YKT6: variants seen among roughly 807,000 people sequenced by gnomAD.
The protein encoded by YKT6 is YKT6 vesicular SNARE protein.
Under a neutral mutation model 29.3 loss-of-function variants are expected in YKT6, and 12 were observed. The ratio of observed to expected loss-of-function variants is 0.41; its 90% CI spans 0.26 to 0.66. The LOEUF is 0.66. Among genes scored for constraint, YKT6 ranks in the 30% least tolerant of loss-of-function variants. The pLI is 0.32. For missense variants in YKT6, 188 were observed against 243.8 expected (o/e 0.77, Z 1.52); for synonymous variants, 86 against 94.3 (o/e 0.91, Z 0.51).
intron 2 of YKT6, among the ~76,000 whole-genome samples, chr7:44,205,049 G>A (rs1408619484): frequency 2.0e-5 from 3 of 152,126 alleles, no homozygotes; most frequent in Non-Finnish European, 4.4e-5. Context: ...TTTTCTTTCT[G>A]ATAATTCAGG....
chr7:44,207,299 A>T (rs2096341815), intron 3 of YKT6, 89 bp from the exon 4 acceptor site: 1 of 1,081,432 alleles, frequency 9.2e-7, no homozygotes, highest in Non-Finnish European at 1.4e-6. Flanking sequence ...AGCCTCATTC[A>T]GGGTGAGGTG....
chr7:44,206,766 C>G (rs2096341319), intron 3 of YKT6, among the ~76,000 whole-genome samples: 1 of 152,130 alleles, frequency 6.6e-6, no homozygotes, highest in African/African-American at 2.4e-5. Context: ...GCCTTGTGTT[C>G]TCGCCCCCTG....
chr7:44,211,956 C>T (rs2096347269), intron 6 of YKT6, among the ~76,000 whole-genome samples: 1 of 152,174 alleles, frequency 6.6e-6, no homozygotes, highest in Non-Finnish European at 1.5e-5. Context: ...TTTGTTTGTA[C>T]CTGGCCTAAC....
intron 6 of YKT6, chr7:44,211,457 C>T (rs1583650845): frequency 1.2e-6 from 1 of 838,710 alleles, no homozygotes; most frequent in Non-Finnish European, 1.5e-6. Context: ...ACTGTTGAAT[C>T]TTATTCCTCT....
intron 3 of YKT6, 76 bp from the exon 4 acceptor site, chr7:44,207,312 C>G: frequency 7.6e-7 from 1 of 1,316,042 alleles, no homozygotes; most frequent in South Asian, 1.2e-5. Context: ...GTGAGGTGCT[C>G]AGGGGTGAAG....
intron 4 of YKT6, 92 bp from the exon 5 acceptor site, chr7:44,208,041 C>T (rs774188064): frequency 2.5e-5 from 35 of 1,376,020 alleles, no homozygotes; most frequent in Non-Finnish European, 3.6e-5. Flanking sequence ...TGGTTTTTAA[C>T]CTGTGAAAGT....
rs2096334848 is a variant in YKT6, at chr7:44,201,071, G to A, written c.-65G>A. ...GCGGCGGCGGTCCCGAGGGGCGGCG[G>A]CCGCGCTGCTCCCTGAGAACGGGTC... On this transcript the variant is annotated 5_prime_UTR_variant, in exon 1 of 7. Transcript: ENST00000223369. 15 of 1,415,560 alleles carry A rather than the reference G, an allele frequency of 1.1e-5. No individual in the cohort carries two copies. The highest frequency in any genetic ancestry group is 1.5e-5 in the African/African-American group (1 of 66,480). 87.7% of individuals were successfully genotyped at this position (1,415,560 alleles called of 1,614,324 possible). A position where few individuals can be genotyped will look rare whatever the true frequency, so the allele number is the denominator to read the frequency against.
At chr7:44,203,582 C>A (rs2096338047) in intron 1 of YKT6, among the ~76,000 whole-genome samples, 1 of 152,166 alleles carries the variant, frequency 6.6e-6, no homozygotes, top group African/African-American at 2.4e-5. Context: ...GCAAAGCCTT[C>A]CTTGTTTGAG....
chr7:44,203,158 G>A (rs897064426), intron 1 of YKT6, among the ~76,000 whole-genome samples: 20 of 152,116 alleles, frequency 1.3e-4, no homozygotes, highest in Admixed American at 1.2e-3. Flanking sequence ...CAGTGGCACA[G>A]TGTCAGCTCA....
rs1324077650 is a variant in YKT6, at chr7:44,213,418, G to T, written c.*1136G>T. 1 of 152,390 alleles carries T rather than the reference G, an allele frequency of 6.6e-6. No homozygotes were observed. The allele number at this position is 152,390 out of a possible 1,614,324, so 9.4% of individuals were successfully genotyped here. On this transcript the variant is annotated 3_prime_UTR_variant, in exon 7 of 7. Transcript: ENST00000223369. Reference sequence around the variant, plus strand: ...TAGCTGCAGAGGGGGGAGGCCAAGGGTTTGGTCTAAGCTGTGCCCTGCCAC... The same window carrying T: ...TAGCTGCAGAGGGGGGAGGCCAAGGTTTTGGTCTAAGCTGTGCCCTGCCAC...
At position 44,201,164 on chromosome 7, in the gene YKT6, A is replaced by G. The variant is rs150272603; in HGVS notation, c.29A>G (p.Tyr10Cys). 6.9e-4 allele frequency: 1,120 copies of G among 1,611,720 alleles called. No individual in the cohort carries two copies. The highest frequency in any genetic ancestry group is 8.8e-4 in the Non-Finnish European group (1,041 of 1,178,878). MKLYSLSVL[Y>C]KGEAKVVLLK... The stretch of plus-strand genomic sequence containing the variant: ...AAGCTGTACAGCCTCAGCGTCCTCT[A>G]CAAAGGCGAGGCCAAGGTGGTGCTG... The change falls in exon 1 of 7, where the codon TAC (tyrosine) becomes TGC (cysteine). Residue 10 changes from tyrosine to cysteine, a missense_variant. Around this residue, in one of 3 missense-constraint regions of YKT6, gnomAD observed 71 missense variants for 67.3 expected, o/e 1.05. Transcript: ENST00000223369.
intron 3 of YKT6, 120 bp downstream of exon 3, chr7:44,206,605 C>T (rs1469916425): frequency 1.1e-6 from 1 of 929,884 alleles, no homozygotes; most frequent in Non-Finnish European, 1.7e-6. Context: ...CCAAAGTCAA[C>T]ACATTTTTCA....
At chr7:44,211,671 A>G in intron 6 of YKT6, 27 of 968,670 alleles carry the variant, frequency 2.8e-5, no homozygotes, top group Non-Finnish European at 3.2e-5. Flanking sequence ...TCATAGGGAC[A>G]AATTTACTTG....
chr7:44,208,280 T>C, intron 5 of YKT6, 82 bp downstream of exon 5: 2 of 1,466,682 alleles, frequency 1.4e-6, no homozygotes, highest in Non-Finnish European at 1.9e-6. Flanking sequence ...AGATCCATCC[T>C]CGTTTTAATA....
rs909457384 is a variant in YKT6, at chr7:44,212,902, C to T, written c.*620C>T. The T allele has an allele frequency of 4.6e-5, 7 of 152,328 alleles. No homozygotes were observed. Among genetic ancestry groups the T allele is most frequent in the Non-Finnish European group, 7.3e-5 (5 of 68,134 alleles). The allele number at this position is 152,328 out of a possible 1,614,324, so 9.4% of individuals were successfully genotyped here. A position where few individuals can be genotyped will look rare whatever the true frequency, so the allele number is the denominator to read the frequency against. On this transcript the variant is annotated 3_prime_UTR_variant, in exon 7 of 7. Transcript: ENST00000223369. ...TACCTTTCTGCTAGGATTGGCTTCC[C>T]GCAGAGGGCAGGGCCCATCCTAAGC...
chr7:44,204,431 T>G, intron 1 of YKT6, 137 bp from the exon 2 acceptor site: 3 of 688,582 alleles, frequency 4.4e-6, no homozygotes, highest in Non-Finnish European at 4.9e-6. Context: ...ATAGAGTGTT[T>G]GTTACTAGGG....
chr7:44,210,369 A>G (rs2096345361), intron 5 of YKT6, among the ~76,000 whole-genome samples: 1 of 152,132 alleles, frequency 6.6e-6, no homozygotes, highest in Admixed American at 6.5e-5. Context: ...CATTCCTTGG[A>G]TTAGAGGTGC....
chr7:44,201,247 G>A lies in YKT6; in HGVS notation c.104+8G>A, dbSNP rs751844170. The A allele has an allele frequency of 6.2e-7, 1 of 1,608,870 alleles. No individual in the cohort carries two copies. Among genetic ancestry groups the A allele is most frequent in the Non-Finnish European group, 8.5e-7 (1 of 1,177,290 alleles). On this transcript the variant is annotated splice_region_variant and intron_variant, in intron 1 of 6. Coordinates refer to ENST00000223369, the MANE Select transcript of YKT6 (RefSeq NM_006555.4). ...CTTTTTCCAGAGATCCAGGTGAGCG[G>A]CACAGGCTGGTGGGCCGTGGCGGTC...
Position 44,206,590 on chromosome 7 carries a change from T to C in YKT6, c.288+105T>C. 5.7e-6 allele frequency: 6 copies of C among 1,047,062 alleles called. No homozygotes were observed. The South Asian group carries it at 7.8e-5, about 14-fold the overall frequency. The allele number at this position is 1,047,062 out of a possible 1,614,324, so 64.9% of individuals were successfully genotyped here. A position where few individuals can be genotyped will look rare whatever the true frequency, so the allele number is the denominator to read the frequency against. On this transcript the variant is annotated intron_variant, in intron 3 of 6. Coordinates refer to ENST00000223369, the MANE Select transcript of YKT6 (RefSeq NM_006555.4). ...CCCTGAGACATAAGGGATGAAATGA[T>C]GTGTCCAAAGTCAACACATTTTTCA... is the stretch of plus-strand genomic sequence containing the variant.
Sources: gnomAD v4.1 joint callset for allele counts (sites outside exome capture counted in the v4.1 genomes callset) on GRCh38, gnomAD v4.1.1 for gene constraint, gnomAD v4.1.1 regional missense constraint, MANE v1.5 for transcripts, NCBI Gene and HGNC (gene_info 2026-07-23, HGNC 2026-07-21) for gene names.